LAMA2: variants seen among roughly 807,000 people sequenced by gnomAD.
LAMA2 encodes the protein laminin subunit alpha-2.
LAMA2 carries 269 observed loss-of-function variants against 364.8 expected under a neutral mutation model. The observed-to-expected ratio is 0.74, with a 90% CI of 0.67 to 0.82. The LOEUF (loss-of-function observed/expected upper bound fraction) is 0.82, where lower values mean the gene tolerates loss of function less well. Among genes scored for constraint, LAMA2 ranks in the 40% least tolerant of loss-of-function variants. The pLI is 0.00. For synonymous variants in LAMA2, 1,379 were observed against 1,370.6 expected (o/e 1.01, Z -0.14); for missense variants, 3,807 against 3,873.2 (o/e 0.98, Z 0.45).
At chr6:128,981,212 T>A (rs991487886) in intron 1 of LAMA2, among the ~76,000 whole-genome samples, 2 of 152,290 alleles carry the variant, frequency 1.3e-5, no homozygotes, top group Admixed American at 6.5e-5. Flanking sequence ...ACTCAGATAA[T>A]GATTTCTCGA....
chr6:128,946,567 G>C (rs4520028), intron 1 of LAMA2, among the ~76,000 whole-genome samples: 147,608 of 152,310 alleles, frequency 0.97, 71,565 homozygotes, highest in East Asian at 1. Flanking sequence ...CGAAAAATAC[G>C]AAGTTCAACC....
intron 14 of LAMA2, among the ~76,000 whole-genome samples, chr6:129,259,811 C>T (rs963080803): frequency 2.0e-5 from 3 of 151,960 alleles, no homozygotes; most frequent in Non-Finnish European, 4.4e-5. Context: ...AAGTTATTTT[C>T]TTCTAGGCCA....
intron 1 of LAMA2, among the ~76,000 whole-genome samples, chr6:129,039,329 G>A (rs569187119): frequency 1.6e-4 from 24 of 152,268 alleles, no homozygotes; most frequent in African/African-American, 4.1e-4. Context: ...TCATCACAAA[G>A]CATTTTCAAA....
intron 22 of LAMA2, among the ~76,000 whole-genome samples, chr6:129,303,977 T>C (rs1186932668): frequency 2.0e-5 from 3 of 152,080 alleles, no homozygotes; most frequent in Non-Finnish European, 2.9e-5. Context: ...ATCAATGAGG[T>C]AGAAAACAGA....
chr6:129,117,759 C>A (rs1776562361), intron 4 of LAMA2, among the ~76,000 whole-genome samples: 1 of 152,148 alleles, frequency 6.6e-6, no homozygotes, highest in South Asian at 2.1e-4. Flanking sequence ...CTCATTAAAC[C>A]TTTACAGTAA....
At chr6:129,226,827 G>A (rs1347684243) in intron 12 of LAMA2, among the ~76,000 whole-genome samples, 7 of 152,034 alleles carry the variant, frequency 4.6e-5, no homozygotes, top group Non-Finnish European at 1.0e-4. Context: ...TGCTCTTCTC[G>A]AGGAGTATCT....
At position 129,243,883 on chromosome 6, in the gene LAMA2, G is replaced by A. The variant is rs192431660; in HGVS notation, c.1783-6229G>A. On this transcript the variant is annotated intron_variant, in intron 12 of 64. Coordinates refer to ENST00000421865, the MANE Select transcript of LAMA2 (RefSeq NM_000426.4). ...GAAGAAGAAGAAGGAGGAGGAAGAGGAGAAGGAGATGAAGAAGAAAGCTAA... is the reference window on the plus strand; with the variant it reads ...GAAGAAGAAGAAGGAGGAGGAAGAGAAGAAGGAGATGAAGAAGAAAGCTAA... 1.8e-3 allele frequency among the ~76,000 whole-genome samples: 271 copies of A among 151,876 alleles called. 2 individuals carry two copies. Among genetic ancestry groups the A allele is most frequent in the African/African-American group, 6.4e-3 (266 of 41,430 alleles).
intron 12 of LAMA2, among the ~76,000 whole-genome samples, chr6:129,200,126 ATATATATACGTGTACACATATACACGTG>A (rs1231676075): frequency 4.2e-4 from 53 of 126,094 alleles, no homozygotes; most frequent in South Asian, 7.5e-4. Context: ...ATATATGTGT[ATATATATACGTGTACACATATACACGTG>A]TATATATATA....
intron 1 of LAMA2, among the ~76,000 whole-genome samples, chr6:128,915,732 A>G (rs1301370594): frequency 6.6e-6 from 1 of 152,176 alleles, no homozygotes; most frequent in East Asian, 1.9e-4. Context: ...ACAATTTGGA[A>G]TGACGTTTAT....
intron 3 of LAMA2, among the ~76,000 whole-genome samples, chr6:129,092,335 A>G (rs919905031): frequency 1.3e-5 from 2 of 152,238 alleles, no homozygotes; most frequent in South Asian, 2.1e-4. Context: ...CTGCAGTTCT[A>G]TAAAGATTCC....
At chr6:129,496,893 T>G (rs1172371145) in intron 58 of LAMA2, among the ~76,000 whole-genome samples, 2 of 152,220 alleles carry the variant, frequency 1.3e-5, no homozygotes, top group African/African-American at 4.8e-5. Context: ...AATATCTTCC[T>G]TCTAGGATTA....
intron 11 of LAMA2, among the ~76,000 whole-genome samples, chr6:129,191,131 G>T (rs1781501086): frequency 6.6e-6 from 1 of 152,142 alleles, no homozygotes; most frequent in South Asian, 2.1e-4. Flanking sequence ...AACTTATAGG[G>T]TTGAATATAC....
rs766489982 is a variant in LAMA2 at position 129,503,238 on chromosome 6, C to T, written c.8505C>T (p.His2835=). The T allele has an allele frequency of 1.2e-6, 2 of 1,614,078 alleles. No individual in the cohort carries two copies. The highest frequency in any genetic ancestry group is 1.1e-5 in the South Asian group (1 of 91,078). ...ATGACTTGGGGAGTGGGGACACCCA[C>T]ACCATGATCCCCACCAAAATCAATG... The part of the protein sequence containing the change: ...FSYDLGSGDT[H]TMIPTKINDG... Residue 2835 remains histidine (H), a synonymous_variant, in exon 60 of 65, where the codon CAC becomes CAT. Coordinates refer to ENST00000421865, the MANE Select transcript of LAMA2 (RefSeq NM_000426.4).
chr6:129,101,770 G>T (rs371568325), intron 4 of LAMA2, among the ~76,000 whole-genome samples: 3 of 152,274 alleles, frequency 2.0e-5, no homozygotes, highest in East Asian at 3.9e-4. Flanking sequence ...ACTTTAGATT[G>T]TACCTTTTTA....
intron 1 of LAMA2, among the ~76,000 whole-genome samples, chr6:128,994,228 TG>T (rs948722032): frequency 1.3e-5 from 2 of 152,190 alleles, no homozygotes; most frequent in Non-Finnish European, 2.9e-5. Flanking sequence ...TTGAAGTATT[TG>T]GGGGTATACA....
At chr6:129,347,001 G>T (rs1776591842) in intron 30 of LAMA2, among the ~76,000 whole-genome samples, 2 of 152,132 alleles carry the variant, frequency 1.3e-5, no homozygotes, top group Non-Finnish European at 2.9e-5. Flanking sequence ...ACCCATGCTT[G>T]GCAGATAACA....
intron 51 of LAMA2, among the ~76,000 whole-genome samples, chr6:129,471,273 C>G (rs986176024): frequency 2.6e-5 from 4 of 151,894 alleles, no homozygotes; most frequent in Non-Finnish European, 4.4e-5. Flanking sequence ...CCCACTTCAT[C>G]GCTATCACTC....
chr6:129,251,076 C>CTATATATATA lies in LAMA2; in HGVS notation c.1884+883_1884+892dup, dbSNP rs71714357. Among the ~76,000 whole-genome samples, 17 of 49,798 alleles carry CTATATATATA rather than the reference C, an allele frequency of 3.4e-4. 1 individual carries two copies. Among genetic ancestry groups the CTATATATATA allele is most frequent in the African/African-American group, 9.0e-4 (11 of 12,236 alleles). The allele number at this position is 49,798 out of a possible 152,430, so 32.7% of individuals were successfully genotyped here. On this transcript the variant is annotated intron_variant, in intron 13 of 64. Transcript: ENST00000421865. ...TCTCTCTCTCTCTCTCTCTCTCTCT[C>CTATATATATA]TATATATATATATATATATATATAT...
chr6:129,512,802 T>C (rs973621522), intron 63 of LAMA2, among the ~76,000 whole-genome samples: 1 of 152,180 alleles, frequency 6.6e-6, no homozygotes, highest in South Asian at 2.1e-4. Flanking sequence ...TATTCTCCTC[T>C]TAAGGAACAC....
Sources: gnomAD v4.1 joint callset for allele counts (sites outside exome capture counted in the v4.1 genomes callset) on GRCh38, gnomAD v4.1.1 for gene constraint, MANE v1.5 for transcripts, NCBI Gene and HGNC (gene_info 2026-07-23, HGNC 2026-07-21) for gene names.